The following SF3B3 variants were observed in gnomAD, a reference collection of about 807,000 sequenced individuals.
SF3B3 encodes the protein SAP 130.
In SF3B3, 33 loss-of-function variants were observed where a neutral mutation model predicts 139.2. The ratio of observed to expected loss-of-function variants is 0.24; its 90% CI spans 0.18 to 0.32. The LOEUF (loss-of-function observed/expected upper bound fraction) is 0.32, where lower values mean the gene tolerates loss of function less well. Among genes scored for constraint, SF3B3 ranks in the 10% least tolerant of loss-of-function variants. The probability of loss-of-function intolerance (pLI) is 1.00; values close to 1 mark genes in which losing one functional copy is unlikely to be tolerated. For synonymous variants in SF3B3, 596 were observed against 563.6 expected (o/e 1.06, Z -0.81); for missense variants, 818 against 1,509.4 (o/e 0.54, Z 7.59).
In SF3B3 at chr16:70,571,867, C is replaced by G; in HGVS notation, c.*54C>G. The G allele has an allele frequency of 1.3e-6, 2 of 1,559,964 alleles. No individual in the cohort carries two copies. Among genetic ancestry groups the G allele is most frequent in the Non-Finnish European group, 1.7e-6 (2 of 1,154,146 alleles). On this transcript the variant is annotated 3_prime_UTR_variant, in exon 26 of 26. Transcript: ENST00000302516. ...AGACTGTGTGTTTTGTTTCCCCCAC[C>G]ACCATCACTGCCACCTGGCTTCTGC...
intron 5 of SF3B3, among the ~76,000 whole-genome samples, chr16:70,533,346 A>G (rs1241431705): frequency 2.6e-5 from 4 of 152,226 alleles, no homozygotes; most frequent in Non-Finnish European, 4.4e-5. Context: ...AATATTAAAA[A>G]AAAAAGTAAA....
intron 13 of SF3B3, 117 bp from the exon 14 acceptor site, chr16:70,556,062 G>A: frequency 4.0e-6 from 4 of 990,318 alleles, no homozygotes; most frequent in Non-Finnish European, 4.6e-6. Flanking sequence ...GTGAGAGGAA[G>A]CAGAACAAAA....
chr16:70,541,309 CTA>C (rs202223919), intron 8 of SF3B3, among the ~76,000 whole-genome samples: 5,815 of 152,222 alleles, frequency 0.038, 161 homozygotes, highest in Non-Finnish European at 0.053. Flanking sequence ...TTTGAGTTCT[CTA>C]TGTGTTCTGG....
intron 11 of SF3B3, among the ~76,000 whole-genome samples, chr16:70,548,823 CCA>C (rs1597715906): frequency 1.3e-5 from 2 of 152,090 alleles, no homozygotes; most frequent in African/African-American, 4.8e-5. Flanking sequence ...TGTTTTGAAA[CCA>C]CAGTGAAATT....
intron 1 of SF3B3, 119 bp from the exon 2 acceptor site, chr16:70,526,468 G>A: frequency 3.5e-6 from 2 of 564,366 alleles, no homozygotes; most frequent in South Asian, 2.3e-5. Flanking sequence ...GGTCACATAT[G>A]TTGTTTCTTA....
In SF3B3 at chr16:70,544,488, T is replaced by C. The variant is rs764182223; in HGVS notation, c.1284T>C (p.Gly428=). Residue 428 remains glycine, a synonymous_variant, in exon 10 of 26, where the codon GGT becomes GGC. Transcript: ENST00000302516. ...EDTPQLYVAC[G]RGPRSSLRVL... The stretch of plus-strand genomic sequence containing the variant: ...CTCCACAGTTGTATGTGGCCTGTGG[T>C]AGGGGACCCCGATCATCTCTGAGAG... 1.9e-6 allele frequency: 3 copies of C among 1,613,232 alleles called. No homozygotes were observed. The highest frequency in any genetic ancestry group is 2.2e-5 in the South Asian group (2 of 91,064).
At chr16:70,561,876 A>T (rs2050432319) in intron 17 of SF3B3, 92 bp downstream of exon 17, 3 of 1,127,718 alleles carry the variant, frequency 2.7e-6, no homozygotes, top group Non-Finnish European at 3.9e-6. Context: ...GGCTGTGAAG[A>T]GGTGGCAGAG....
chr16:70,524,163 C>T (rs1490959676), intron 1 of SF3B3: 1 of 298,198 alleles, frequency 3.4e-6, no homozygotes, highest in African/African-American at 2.2e-5. Context: ...GTGGAGATTG[C>T]TTTTAACTTC....
chr16:70,525,674 C>T (rs2050055092), intron 1 of SF3B3, among the ~76,000 whole-genome samples: 1 of 151,872 alleles, frequency 6.6e-6, no homozygotes, highest in African/African-American at 2.4e-5. Flanking sequence ...AAACATATAC[C>T]TTAGTCTATG....
At chr16:70,551,689 C>T (rs775851220) in intron 11 of SF3B3, among the ~76,000 whole-genome samples, 6 of 152,046 alleles carry the variant, frequency 3.9e-5, no homozygotes, top group African/African-American at 7.2e-5. Flanking sequence ...GCAACCAGAG[C>T]GAAACTCTCT....
chr16:70,566,686 A>C (rs2050480269), intron 20 of SF3B3, among the ~76,000 whole-genome samples: 1 of 152,212 alleles, frequency 6.6e-6, no homozygotes, highest in South Asian at 2.1e-4. Flanking sequence ...CCCTACCATA[A>C]GGGGAGTATC....
chr16:70,541,009 G>A (rs1215726990), intron 8 of SF3B3, among the ~76,000 whole-genome samples: 2 of 152,118 alleles, frequency 1.3e-5, no homozygotes, highest in Non-Finnish European at 2.9e-5. Flanking sequence ...TTAACTTTTT[G>A]AGAAACCACC....
intron 5 of SF3B3, among the ~76,000 whole-genome samples, chr16:70,533,801 T>TA (rs773422670): frequency 1.3e-5 from 2 of 152,052 alleles, no homozygotes; most frequent in East Asian, 3.8e-4. Flanking sequence ...GGACAGCACT[T>TA]ACCTTTGTTA....
At chr16:70,539,850 C>A (rs928132091) in intron 8 of SF3B3, among the ~76,000 whole-genome samples, 3 of 148,360 alleles carry the variant, frequency 2.0e-5, no homozygotes, top group Admixed American at 1.3e-4. Context: ...GATCTCGGCT[C>A]ACCGCAACCT....
intron 25 of SF3B3, 21 bp downstream of exon 25, chr16:70,571,220 C>T (rs2050526045): frequency 6.6e-7 from 1 of 1,519,112 alleles, no homozygotes; most frequent in Non-Finnish European, 9.1e-7. Flanking sequence ...GGAATCTGAG[C>T]TGAAAAGGGA....
At chr16:70,543,836 CTGTTTTTTTG>C (rs1409743541) in intron 9 of SF3B3, among the ~76,000 whole-genome samples, 2 of 148,996 alleles carry the variant, frequency 1.3e-5, no homozygotes, top group African/African-American at 2.5e-5. Flanking sequence ...TAATGTTTTA[CTGTTTTTTTG>C]TGTTTTTTTT....
At position 70,576,320 on chromosome 16, in the gene SF3B3, G is replaced by C. The variant is rs7198317; in HGVS notation, c.*4507G>C. The C allele has an allele frequency of 1.3e-4, 12 of 89,694 alleles. No homozygotes were observed. Among genetic ancestry groups the C allele is most frequent in the East Asian group, 3.2e-4 (1 of 3,158 alleles). 5.6% of individuals were successfully genotyped at this position (89,694 alleles called of 1,614,324 possible). A position where few individuals can be genotyped will look rare whatever the true frequency, so the allele number is the denominator to read the frequency against. On this transcript the variant is annotated 3_prime_UTR_variant, in exon 26 of 26. Coordinates refer to ENST00000302516, the MANE Select transcript of SF3B3 (RefSeq NM_012426.5). ...CCCCACCCTACCCCACCCCACCCCC[G>C]TATGCAGCATCTCTGGCGGTGCCCA...
chr16:70,554,928 A>C, intron 12 of SF3B3, 123 bp from the exon 13 acceptor site: 1 of 884,224 alleles, frequency 1.1e-6, no homozygotes, highest in Non-Finnish European at 1.7e-6. Flanking sequence ...CTTTGATTCA[A>C]CTGGTGCCTC....
chr16:70,546,132 A>G (rs2050266141), intron 10 of SF3B3, among the ~76,000 whole-genome samples: 2 of 152,056 alleles, frequency 1.3e-5, no homozygotes, highest in South Asian at 4.1e-4. Flanking sequence ...ACGCTTGGCT[A>G]ATTTATTTAT....
Sources: gnomAD v4.1 joint callset for allele counts (sites outside exome capture counted in the v4.1 genomes callset) on GRCh38, gnomAD v4.1.1 for gene constraint, MANE v1.5 for transcripts, NCBI Gene and HGNC (gene_info 2026-07-23, HGNC 2026-07-21) for gene names.